Variants in TRAPPC12 observed in about 807,000 individuals in gnomAD.
The protein encoded by TRAPPC12 is trafficking protein particle complex subunit 12.
A neutral mutation model predicts 69.2 loss-of-function variants in TRAPPC12; 61 were observed. That is an observed-to-expected ratio of 0.88 (90% CI 0.72 to 1.09). The LOEUF (loss-of-function observed/expected upper bound fraction) is 1.09, where lower values mean the gene tolerates loss of function less well. Among genes scored for constraint, TRAPPC12 ranks in the 50% least tolerant of loss-of-function variants. The pLI, the probability that TRAPPC12 is intolerant of heterozygous loss-of-function variation, is 0.00. For synonymous variants in TRAPPC12, 469 were observed against 438.9 expected (o/e 1.07, Z -0.86); for missense variants, 1,101 against 1,016.4 (o/e 1.08, Z -1.13).
intron 3 of TRAPPC12, among the ~76,000 whole-genome samples, chr2:3,404,669 C>T (rs1477708637): frequency 2.0e-5 from 3 of 152,020 alleles, no homozygotes; most frequent in Admixed American, 1.3e-4. Flanking sequence ...AGTCAGGAAG[C>T]GTGTCTTGTT....
At chr2:3,400,741 G>T (rs1661395053) in intron 2 of TRAPPC12, among the ~76,000 whole-genome samples, 1 of 152,162 alleles carries the variant, frequency 6.6e-6, no homozygotes, top group Non-Finnish European at 1.5e-5. Flanking sequence ...GCACTGTTGG[G>T]ATGACTAGTT....
chr2:3,383,718 T>C lies in TRAPPC12; in HGVS notation c.-5+3842T>C, dbSNP rs556864414. Among the ~76,000 whole-genome samples the C allele has an allele frequency of 1.4e-4, 21 of 151,954 alleles. No homozygotes were observed. The East Asian group carries it at 3.7e-3, about 27-fold the overall frequency. On this transcript the variant is annotated intron_variant, in intron 1 of 11. Transcript: ENST00000324266. ...CCGCACCCGGCCTTCACAGTTAAGTTTTTAACGTCCCTGAGATTGATACTG... is the reference window on the plus strand; with the variant it reads ...CCGCACCCGGCCTTCACAGTTAAGTCTTTAACGTCCCTGAGATTGATACTG...
chr2:3,421,854 G>A lies in TRAPPC12; in HGVS notation c.1165-27G>A, dbSNP rs763332593. On this transcript the variant is annotated intron_variant, in intron 3 of 11. Coordinates refer to ENST00000324266, the MANE Select transcript of TRAPPC12 (RefSeq NM_016030.6). Reference sequence around the variant, plus strand: ...TCCACCATGCCTTGCATGTGTGTTTGGTCACATGTTCTGCCGTGTCTTGCA... The same window carrying A: ...TCCACCATGCCTTGCATGTGTGTTTAGTCACATGTTCTGCCGTGTCTTGCA... 5.7e-6 allele frequency: 9 copies of A among 1,592,298 alleles called. No individual in the cohort carries two copies. The East Asian group carries it at 8.9e-5, about 16-fold the overall frequency.
rs575490031 is a variant in TRAPPC12 at position 3,418,350 on chromosome 2, C to T, written c.1165-3531C>T. 3.2e-4 allele frequency among the ~76,000 whole-genome samples: 48 copies of T among 149,114 alleles called. No individual in the cohort carries two copies. In the East Asian group the frequency reaches 6.4e-3, roughly 20 times the overall value. On this transcript the variant is annotated intron_variant, in intron 3 of 11. Transcript: ENST00000324266. The stretch of plus-strand genomic sequence containing the variant: ...GCCATACACATAAAGTTCTCTGTCA[C>T]GTGACTACAGGAGCATCTCCATTCC...
chr2:3,422,572 T>TC (rs1302410858), intron 4 of TRAPPC12, among the ~76,000 whole-genome samples: 2 of 152,124 alleles, frequency 1.3e-5, no homozygotes, highest in African/African-American at 4.8e-5. Flanking sequence ...TACATGGGAA[T>TC]CCCCCGGGAC....
chr2:3,470,512 C>G (rs1465151290), intron 9 of TRAPPC12, among the ~76,000 whole-genome samples: 1 of 152,248 alleles, frequency 6.6e-6, no homozygotes, highest in Non-Finnish European at 1.5e-5. Context: ...TCATGGACAA[C>G]AGACCAATCC....
At chr2:3,380,770 A>T (rs1403372885) in intron 1 of TRAPPC12, among the ~76,000 whole-genome samples, 1 of 152,164 alleles carries the variant, frequency 6.6e-6, no homozygotes, top group Non-Finnish European at 1.5e-5. Context: ...GGGTGTTGCC[A>T]CTCTGCTTTA....
At chr2:3,428,782 C>T (rs1349270601) in intron 5 of TRAPPC12, among the ~76,000 whole-genome samples, 2 of 152,164 alleles carry the variant, frequency 1.3e-5, no homozygotes, top group East Asian at 3.9e-4. Flanking sequence ...GACTACGTGC[C>T]TGGGGCCGAC....
chr2:3,419,233 A>G (rs1307133319), intron 3 of TRAPPC12, among the ~76,000 whole-genome samples: 1 of 152,246 alleles, frequency 6.6e-6, no homozygotes, highest in Admixed American at 6.5e-5. Context: ...GGGAGCAGTT[A>G]TTAGTTGCCC....
At chr2:3,449,250 C>T (rs1353144340) in intron 6 of TRAPPC12, 1 of 152,264 alleles carries the variant, frequency 6.6e-6, no homozygotes, top group African/African-American at 2.4e-5. Context: ...AGCAAACACA[C>T]TTCTGCAAGC....
At chr2:3,395,100 A>C (rs1470215772) in intron 2 of TRAPPC12, among the ~76,000 whole-genome samples, 1 of 152,262 alleles carries the variant, frequency 6.6e-6, no homozygotes, top group Non-Finnish European at 1.5e-5. Flanking sequence ...AAGAAATAGA[A>C]CAGTTTCCAA....
chr2:3,392,144 C>T lies in TRAPPC12; in HGVS notation c.1047+3474C>T, dbSNP rs566683331. 2.0e-5 allele frequency among the ~76,000 whole-genome samples: 3 copies of T among 152,200 alleles called. No individual in the cohort carries two copies. In the South Asian group the frequency reaches 6.2e-4, roughly 32 times the overall value. On this transcript the variant is annotated intron_variant, in intron 2 of 11. Coordinates refer to ENST00000324266, the MANE Select transcript of TRAPPC12 (RefSeq NM_016030.6). ...GCTAAGAGTACTCAGTACCTTGCAG[C>T]GAGCTCAAAGCTTTCAAGGAATGGA...
At position 3,479,437 on chromosome 2, in the gene TRAPPC12, C is replaced by T; in HGVS notation, c.2184C>T (p.Asn728=). ...CCGGCAAGGAGGGGGACAGCTTCAA[C>T]ACACAGTGCCTCAAGCTGGCCTAGC... is the stretch of plus-strand genomic sequence containing the variant. ...AVAGKEGDSF[N]TQCLKLA The change falls in exon 12 of 12, where the codon AAC becomes AAT. Residue 728 remains asparagine (N), a synonymous_variant. Coordinates refer to ENST00000324266, the MANE Select transcript of TRAPPC12 (RefSeq NM_016030.6). 6.2e-7 allele frequency: 1 copy of T among 1,613,972 alleles called. No homozygotes were observed. Among genetic ancestry groups the T allele is most frequent in the East Asian group, 2.2e-5 (1 of 44,890 alleles).
intron 5 of TRAPPC12, among the ~76,000 whole-genome samples, chr2:3,443,490 A>G (rs1052126033): frequency 4.6e-5 from 7 of 152,168 alleles, no homozygotes; most frequent in African/African-American, 1.7e-4. Flanking sequence ...GGCGGTCTCT[A>G]CTGTTTCATT....
chr2:3,452,316 G>A (rs912819564), intron 6 of TRAPPC12, among the ~76,000 whole-genome samples: 1 of 152,170 alleles, frequency 6.6e-6, no homozygotes, highest in Non-Finnish European at 1.5e-5. Flanking sequence ...TGCCTTGCAC[G>A]GCCGGGTCTC....
chr2:3,450,132 G>A (rs1018191337), intron 6 of TRAPPC12, among the ~76,000 whole-genome samples: 15 of 152,102 alleles, frequency 9.9e-5, no homozygotes, highest in African/African-American at 3.6e-4. Flanking sequence ...ACTTAGGAAT[G>A]CCCAACCCCG....
chr2:3,402,923 G>A (rs774876757), intron 3 of TRAPPC12, among the ~76,000 whole-genome samples: 2 of 152,166 alleles, frequency 1.3e-5, no homozygotes, highest in Non-Finnish European at 2.9e-5. Flanking sequence ...TCCCATGCCT[G>A]CATGCAGTCA....
At chr2:3,392,909 C>T (rs893639270) in intron 2 of TRAPPC12, among the ~76,000 whole-genome samples, 1 of 152,206 alleles carries the variant, frequency 6.6e-6, no homozygotes, top group Non-Finnish European at 1.5e-5. Flanking sequence ...TATACAGTAG[C>T]CCAGATAGGG....
intron 3 of TRAPPC12, among the ~76,000 whole-genome samples, chr2:3,413,982 C>T (rs1029531421): frequency 2.6e-5 from 4 of 152,132 alleles, no homozygotes; most frequent in African/African-American, 9.7e-5. Flanking sequence ...GTCTCCTCCA[C>T]CCTGCCCCTC....
Sources: gnomAD v4.1 joint callset for allele counts (sites outside exome capture counted in the v4.1 genomes callset) on GRCh38, gnomAD v4.1.1 for gene constraint, MANE v1.5 for transcripts, NCBI Gene and HGNC (gene_info 2026-07-23, HGNC 2026-07-21) for gene names.